The following KCNIP4 variants were observed in gnomAD, a reference collection of about 807,000 sequenced individuals.
The protein encoded by KCNIP4 is potassium voltage-gated channel interacting protein 4.
Under a neutral mutation model 34.0 loss-of-function variants are expected in KCNIP4, and 12 were observed. That is an observed-to-expected ratio of 0.35 (90% CI 0.23 to 0.57). The LOEUF is 0.57. Ranked by LOEUF, KCNIP4 falls within the 20% of genes least tolerant of loss-of-function variation. The pLI, the probability that KCNIP4 is intolerant of heterozygous loss-of-function variation, is 0.83. For missense variants in KCNIP4, 238 were observed against 311.7 expected, an observed-to-expected ratio of 0.76 and a Z score of 1.78; for synonymous variants, 124 against 102.2, an observed-to-expected ratio of 1.21 and a Z score of -1.29.
At chr4:21,441,506 T>A (rs566960479) in intron 1 of KCNIP4, among the ~76,000 whole-genome samples, 1 of 152,248 alleles carries the variant, frequency 6.6e-6, no homozygotes, top group East Asian at 1.9e-4. Context: ...TTTGTAGGAC[T>A]TTCACACTGC....
chr4:21,288,722 C>A (rs1763262598), intron 1 of KCNIP4, among the ~76,000 whole-genome samples: 1 of 152,176 alleles, frequency 6.6e-6, no homozygotes, highest in South Asian at 2.1e-4. Flanking sequence ...CTCTGGACCA[C>A]CACCAGGACA....
chr4:21,108,871 C>T (rs997360811), intron 1 of KCNIP4, among the ~76,000 whole-genome samples: 7 of 151,960 alleles, frequency 4.6e-5, no homozygotes, highest in African/African-American at 1.7e-4. Context: ...CACTCCAGAC[C>T]CTGTTTGCCT....
intron 1 of KCNIP4, among the ~76,000 whole-genome samples, chr4:21,903,934 A>T (rs144977682): frequency 0.025 from 3,819 of 152,288 alleles, 78 homozygotes; most frequent in Middle Eastern, 0.075. Context: ...TTATCGTCTC[A>T]TATCTTCAAA....
chr4:21,323,098 T>C (rs1042098443), intron 1 of KCNIP4, among the ~76,000 whole-genome samples: 1 of 150,720 alleles, frequency 6.6e-6, no homozygotes, highest in Admixed American at 6.6e-5. Flanking sequence ...TTGAAGTATG[T>C]ATGAGTCAAT....
intron 1 of KCNIP4, among the ~76,000 whole-genome samples, chr4:21,787,213 G>A (rs566275955): frequency 2.0e-5 from 3 of 152,132 alleles, no homozygotes; most frequent in South Asian, 2.1e-4. Context: ...TATAAAACAC[G>A]AATAAATTTC....
intron 1 of KCNIP4, among the ~76,000 whole-genome samples, chr4:21,760,683 T>C (rs1458866177): frequency 1.3e-5 from 2 of 152,070 alleles, no homozygotes; most frequent in Non-Finnish European, 2.9e-5. Context: ...TTACAGAGGA[T>C]TAGAAATCCT....
At chr4:21,119,291 T>C (rs148858686) in intron 1 of KCNIP4, among the ~76,000 whole-genome samples, 216 of 152,016 alleles carry the variant, frequency 1.4e-3, no homozygotes, top group African/African-American at 5.1e-3. Flanking sequence ...GCAAATGTCT[T>C]ATTGAAATTA....
chr4:21,286,346 G>A (rs16870715), intron 1 of KCNIP4, among the ~76,000 whole-genome samples: 76,967 of 151,990 alleles, frequency 0.51, 20,214 homozygotes, highest in African/African-American at 0.64. Flanking sequence ...GAGCAGGGGA[G>A]AATTAACATG....
At chr4:20,924,343 A>G (rs1275726289) in intron 1 of KCNIP4, among the ~76,000 whole-genome samples, 2 of 152,186 alleles carry the variant, frequency 1.3e-5, no homozygotes, top group East Asian at 3.9e-4. Flanking sequence ...CAATGGTGGT[A>G]CCAAGCCTAA....
At chr4:21,609,263 A>G (rs978099199) in intron 1 of KCNIP4, among the ~76,000 whole-genome samples, 4 of 152,160 alleles carry the variant, frequency 2.6e-5, no homozygotes, top group African/African-American at 9.7e-5. Context: ...TTGTGTATCT[A>G]TTGTATGTAT....
chr4:21,032,108 A>G (rs538288365), intron 1 of KCNIP4, among the ~76,000 whole-genome samples: 10 of 152,310 alleles, frequency 6.6e-5, no homozygotes, highest in African/African-American at 2.2e-4. Flanking sequence ...AATTTCAAAC[A>G]TTGCTTGTAT....
At chr4:21,818,373 GT>G (rs1360727025) in intron 1 of KCNIP4, among the ~76,000 whole-genome samples, 1 of 152,282 alleles carries the variant, frequency 6.6e-6, no homozygotes, top group East Asian at 1.9e-4. Context: ...AGAGATGCAT[GT>G]TCATGTCTTG....
chr4:21,120,919 G>A (rs141413496), intron 1 of KCNIP4, among the ~76,000 whole-genome samples: 214 of 152,294 alleles, frequency 1.4e-3, no homozygotes, highest in Middle Eastern at 6.8e-3. Context: ...TGAGGCACTA[G>A]GGGTTAGAAT....
chr4:21,611,888 T>C (rs1744190060), intron 1 of KCNIP4, among the ~76,000 whole-genome samples: 2 of 152,180 alleles, frequency 1.3e-5, no homozygotes, highest in East Asian at 1.9e-4. Context: ...AAGCATTACA[T>C]GTTAGGATAA....
At chr4:21,358,900 T>C (rs1718935590) in intron 1 of KCNIP4, among the ~76,000 whole-genome samples, 1 of 152,104 alleles carries the variant, frequency 6.6e-6, no homozygotes, top group Admixed American at 6.6e-5. Context: ...TGCTTCGAGT[T>C]ATCCTGCCTT....
At chr4:21,573,673 CTT>C (rs1332035722) in intron 1 of KCNIP4, among the ~76,000 whole-genome samples, 1 of 151,994 alleles carries the variant, frequency 6.6e-6, no homozygotes, top group East Asian at 1.9e-4. Context: ...TGAGACACAA[CTT>C]TTTAAGGTCA....
At chr4:20,794,572 T>C (rs1325022697) in intron 3 of KCNIP4, among the ~76,000 whole-genome samples, 1 of 152,202 alleles carries the variant, frequency 6.6e-6, no homozygotes, top group Non-Finnish European at 1.5e-5. Flanking sequence ...ACTTTGGATA[T>C]TGAACTGTAA....
chr4:21,098,508 T>G (rs948854065), intron 1 of KCNIP4, among the ~76,000 whole-genome samples: 4 of 152,206 alleles, frequency 2.6e-5, no homozygotes, highest in African/African-American at 9.6e-5. Context: ...CTAAGAATTA[T>G]GCTAAACTTA....
intron 1 of KCNIP4, among the ~76,000 whole-genome samples, chr4:21,637,409 C>G (rs763744043): frequency 7.2e-5 from 11 of 152,056 alleles, no homozygotes; most frequent in African/African-American, 2.7e-4. Context: ...CTGTGCTAAG[C>G]AACTTACCTG....
Sources: allele counts gnomAD v4.1 joint callset (sites outside exome capture counted in the v4.1 genomes callset), GRCh38; gene constraint gnomAD v4.1.1; transcripts MANE v1.5; gene names NCBI Gene and HGNC (gene_info 2026-07-23, HGNC 2026-07-21).